TNR: variants seen among roughly 807,000 people sequenced by gnomAD.
The protein encoded by TNR is tenascin-R.
A neutral mutation model predicts 150.4 loss-of-function variants in TNR; 45 were observed. The observed-to-expected ratio is 0.30, with a 90% CI of 0.24 to 0.38. The LOEUF is 0.38. TNR is among the 10% of genes least tolerant of loss of function. The pLI, the probability that TNR is intolerant of heterozygous loss-of-function variation, is 1.00. For missense variants in TNR, 1,544 were observed against 1,759.1 expected (o/e 0.88, Z 2.19); for synonymous variants, 687 against 678.4 (o/e 1.01, Z -0.20).
chr1:175,413,648 A>G (rs1221009294), intron 2 of TNR, among the ~76,000 whole-genome samples: 2 of 138,306 alleles, frequency 1.4e-5, no homozygotes, highest in African/African-American at 5.5e-5. Context: ...CAGGACTAGA[A>G]CCAAAATAGA....
chr1:175,362,862 A>C, intron 13 of TNR, 53 bp from the exon 14 acceptor site: 2 of 1,609,352 alleles, frequency 1.2e-6, no homozygotes, highest in Non-Finnish European at 1.7e-6. Context: ...TCATCCAAGC[A>C]GCCCATGGTA....
intron 1 of TNR, among the ~76,000 whole-genome samples, chr1:175,564,669 TG>T (rs1403990789): frequency 9.4e-5 from 14 of 149,724 alleles, no homozygotes; most frequent in Non-Finnish European, 1.5e-4. Context: ...TTATTTGGGG[TG>T]GTTTTTGGGG....
At chr1:175,414,560 A>G (rs1033976029) in intron 2 of TNR, among the ~76,000 whole-genome samples, 1 of 152,214 alleles carries the variant, frequency 6.6e-6, no homozygotes, top group African/African-American at 2.4e-5. Context: ...CTTCCTTATC[A>G]ATATAATTAT....
In TNR at chr1:175,438,931, T is replaced by C. The variant is rs531534126; in HGVS notation, c.-63-32154A>G. 2.6e-3 allele frequency among the ~76,000 whole-genome samples: 391 copies of C among 152,156 alleles called. 3 individuals carry two copies. The highest frequency in any genetic ancestry group is 9.0e-3 in the African/African-American group (374 of 41,516). ...TCATGGGTAGGAAGAATCAATATCA[T>C]GAAAATGGCCATACTGCCCAAGGTA... On this transcript the variant is annotated intron_variant, in intron 2 of 22. Transcript: ENST00000367674.
intron 1 of TNR, among the ~76,000 whole-genome samples, chr1:175,535,756 G>A (rs1332090965): frequency 6.6e-6 from 1 of 152,050 alleles, no homozygotes; most frequent in Non-Finnish European, 1.5e-5. Flanking sequence ...ATTTTAGAAA[G>A]GATGGAGTTT....
chr1:175,361,470 A>G (rs1571337890), intron 14 of TNR, among the ~76,000 whole-genome samples: 1 of 152,192 alleles, frequency 6.6e-6, no homozygotes, highest in East Asian at 1.9e-4. Context: ...TGGCTGTGTT[A>G]TCTGTTGTCA....
chr1:175,617,189 G>T (rs916069047), intron 1 of TNR, among the ~76,000 whole-genome samples: 1 of 152,110 alleles, frequency 6.6e-6, no homozygotes, highest in Non-Finnish European at 1.5e-5. Context: ...TGCCATATTC[G>T]CTGAGAGTTT....
chr1:175,489,705 A>C (rs1007965467), intron 2 of TNR, among the ~76,000 whole-genome samples: 3 of 152,228 alleles, frequency 2.0e-5, no homozygotes. Context: ...TTGGTGTTTA[A>C]TAACATTTGC....
Position 175,330,376 on chromosome 1 carries a change from G to A in TNR, c.3632-141C>T, listed in dbSNP as rs1649676842. 3 of 898,532 alleles carry A rather than the reference G, an allele frequency of 3.3e-6. No homozygotes were observed. In the South Asian group the frequency reaches 7.4e-5, roughly 22 times the overall value. The allele number at this position is 898,532 out of a possible 1,614,324, so 55.7% of individuals were successfully genotyped here. On this transcript the variant is annotated intron_variant, in intron 20 of 22. Coordinates refer to ENST00000367674, the MANE Select transcript of TNR (RefSeq NM_003285.3). ...TTGCTTTTGCTCTTGGTGCTTCACA[G>A]GTTGTTATCAAATGGACCCTGCCAG...
intron 2 of TNR, among the ~76,000 whole-genome samples, chr1:175,527,434 T>C (rs1355508960): frequency 6.6e-6 from 1 of 152,186 alleles, no homozygotes; most frequent in Admixed American, 6.5e-5. Flanking sequence ...ATACTGAGAC[T>C]GTAGTGAGTC....
chr1:175,528,099 A>C (rs547162416), intron 2 of TNR, among the ~76,000 whole-genome samples, 170 bp downstream of exon 2: 3 of 152,336 alleles, frequency 2.0e-5, no homozygotes, highest in East Asian at 1.9e-4. Flanking sequence ...CAGAGACTGC[A>C]TGAAGCCCAG....
chr1:175,429,425 G>C (rs139843126), intron 2 of TNR, among the ~76,000 whole-genome samples: 7 of 152,320 alleles, frequency 4.6e-5, no homozygotes, highest in African/African-American at 1.7e-4. Context: ...GACTCCAATA[G>C]TTGCTCTCTT....
intron 15 of TNR, among the ~76,000 whole-genome samples, chr1:175,357,751 T>C (rs2861279): frequency 0.21 from 31,912 of 152,248 alleles, 3,537 homozygotes; most frequent in Non-Finnish European, 0.25. Flanking sequence ...GTTCTGTGCA[T>C]GTCTATAGCA....
At chr1:175,559,018 G>T (rs1327851499) in intron 1 of TNR, among the ~76,000 whole-genome samples, 1 of 152,184 alleles carries the variant, frequency 6.6e-6, no homozygotes, top group East Asian at 1.9e-4. Flanking sequence ...GTGTGTTGGG[G>T]TAGGGACACA....
rs548805241 is a variant in TNR, at chr1:175,582,580, G to A, written c.-164-54211C>T. ...GTTCTACTTTGAGGTTGAAACCCTG[G>A]GAGAGGGGGTGGTGGAGAACTCCAC... On this transcript the variant is annotated intron_variant, in intron 1 of 22. Transcript: ENST00000367674. Among the ~76,000 whole-genome samples the A allele has an allele frequency of 1.2e-4, 19 of 152,268 alleles. No individual in the cohort carries two copies. The South Asian group carries it at 3.7e-3, about 30-fold the overall frequency.
intron 2 of TNR, among the ~76,000 whole-genome samples, chr1:175,495,363 C>T (rs1658443114): frequency 6.6e-6 from 1 of 152,182 alleles, no homozygotes; most frequent in Non-Finnish European, 1.5e-5. Flanking sequence ...AGTGGCTACA[C>T]AGTGCCTGCT....
At chr1:175,715,336 T>A (rs1667126400) in intron 1 of TNR, among the ~76,000 whole-genome samples, 1 of 152,186 alleles carries the variant, frequency 6.6e-6, no homozygotes, top group African/African-American at 2.4e-5. Flanking sequence ...TGCTAAAATG[T>A]TATTTTCCAC....
chr1:175,427,731 T>TTTCC (rs138869758), intron 2 of TNR, among the ~76,000 whole-genome samples: 28,371 of 126,472 alleles, frequency 0.22, 3,627 homozygotes, highest in East Asian at 0.5. Flanking sequence ...CTCTCTTTCT[T>TTTCC]TTCCTTCCTT....
chr1:175,675,205 C>T (rs369032298), intron 1 of TNR, among the ~76,000 whole-genome samples: 6 of 152,144 alleles, frequency 3.9e-5, no homozygotes, highest in African/African-American at 1.2e-4. Flanking sequence ...ATCGGCTTGT[C>T]GCCGCTGGCT....
Sources: allele counts gnomAD v4.1 joint callset (sites outside exome capture counted in the v4.1 genomes callset), GRCh38; gene constraint gnomAD v4.1.1; transcripts MANE v1.5; gene names NCBI Gene and HGNC (gene_info 2026-07-23, HGNC 2026-07-21).